KDM4B: variants seen among roughly 807,000 people sequenced by gnomAD.
The protein encoded by KDM4B is lysine-specific demethylase 4B.
In KDM4B, 32 loss-of-function variants were observed where a neutral mutation model predicts 125.2. The ratio of observed to expected loss-of-function variants is 0.26; its 90% CI spans 0.19 to 0.34. KDM4B has a LOEUF of 0.34. Among genes scored for constraint, KDM4B ranks in the 10% least tolerant of loss-of-function variants. The pLI is 1.00. For synonymous variants in KDM4B, 721 were observed against 677.9 expected (o/e 1.06, Z -0.99); for missense variants, 1,190 against 1,577.7 (o/e 0.75, Z 4.16).
intron 11 of KDM4B, among the ~76,000 whole-genome samples, chr19:5,125,269 G>C (rs1264122113): frequency 6.6e-6 from 1 of 152,054 alleles, no homozygotes; most frequent in Non-Finnish European, 1.5e-5. Context: ...CCCCAGCCCC[G>C]GCGTTACCTG....
intron 9 of KDM4B, among the ~76,000 whole-genome samples, chr19:5,102,269 A>G (rs2038952030): frequency 6.6e-6 from 1 of 152,174 alleles, no homozygotes. Context: ...TCGTGGCTTC[A>G]GGAGAGAGAT....
intron 9 of KDM4B, among the ~76,000 whole-genome samples, chr19:5,094,202 C>T (rs2038771661): frequency 6.6e-6 from 1 of 152,246 alleles, no homozygotes; most frequent in Admixed American, 6.5e-5. Context: ...CCCCGGCAGG[C>T]CCTGATCCCA....
At chr19:5,101,444 G>A (rs2038931589) in intron 9 of KDM4B, among the ~76,000 whole-genome samples, 1 of 151,664 alleles carries the variant, frequency 6.6e-6, no homozygotes, top group Non-Finnish European at 1.5e-5. Flanking sequence ...GATTGCTTGA[G>A]CCCAGGACTT....
chr19:5,012,821 C>T (rs2035771698), intron 1 of KDM4B, among the ~76,000 whole-genome samples: 1 of 152,222 alleles, frequency 6.6e-6, no homozygotes, highest in Non-Finnish European at 1.5e-5. Context: ...AGGGGTTCAT[C>T]ATCCTCTCCC....
Position 5,035,467 on chromosome 19 carries a change from G to A in KDM4B, c.141+2436G>A, listed in dbSNP as rs141587293. On this transcript the variant is annotated intron_variant, in intron 3 of 22. Transcript: ENST00000159111. The surrounding 1 kb of genome is among the most constrained non-coding windows in gnomAD (Gnocchi z 5.3). Reference sequence around the variant, plus strand: ...CCGGGCTCCATGCCCCGGTGTTTCCGGCTCTCTCTGCCCTCCACGTGGCGG... The same window carrying A: ...CCGGGCTCCATGCCCCGGTGTTTCCAGCTCTCTCTGCCCTCCACGTGGCGG... Among the ~76,000 whole-genome samples the A allele has an allele frequency of 1.3e-5, 2 of 151,994 alleles. No individual in the cohort carries two copies. Among genetic ancestry groups the A allele is most frequent in the African/African-American group, 2.4e-5 (1 of 41,384 alleles).
In KDM4B at chr19:5,082,527, C is replaced by A. The variant is rs763986280; in HGVS notation, c.918+23C>A. The A allele has an allele frequency of 6.4e-7, 1 of 1,564,028 alleles. No individual in the cohort carries two copies. Among genetic ancestry groups the A allele is most frequent in the Non-Finnish European group, 8.6e-7 (1 of 1,157,048 alleles). ...CAGGTAAAAGCTTGCCTGCTGGGAA[C>A]GGGTCCCAGCAGGGCGGGAGGAGGC... On this transcript the variant is annotated intron_variant, in intron 9 of 22. Transcript: ENST00000159111. This position sits in a 1 kb window ranked among gnomAD's most constrained non-coding sequence, Gnocchi z 5.4.
chr19:5,125,462 AG>A (rs2039432785), intron 11 of KDM4B, among the ~76,000 whole-genome samples: 1 of 152,108 alleles, frequency 6.6e-6, no homozygotes. Flanking sequence ...ACCGCGTGGG[AG>A]GGAGGGGAAA....
At chr19:5,018,018 C>T (rs1030945295) in intron 2 of KDM4B, among the ~76,000 whole-genome samples, 2 of 150,800 alleles carry the variant, frequency 1.3e-5, no homozygotes, top group Non-Finnish European at 2.9e-5. Context: ...GGATTACAGG[C>T]GTGAGCCACT....
chr19:5,052,930 G>A (rs975779540), intron 6 of KDM4B, among the ~76,000 whole-genome samples: 29 of 151,486 alleles, frequency 1.9e-4, no homozygotes, highest in African/African-American at 5.3e-4. Context: ...TCTACTGACC[G>A]TAAGGCATGG....
rs891737495 is a variant in KDM4B at position 5,070,855 on chromosome 19, C to A, written c.627-155C>A. The stretch of plus-strand genomic sequence containing the variant: ...ACGGATTCCGTCCTGAAAGCCCCCA[C>A]CCCCGGCCATCCCCTCCACACAGTC... On this transcript the variant is annotated intron_variant, in intron 6 of 22. Transcript: ENST00000159111. 14 of 648,008 alleles carry A rather than the reference C, an allele frequency of 2.2e-5. 1 individual carries two copies. The highest frequency in any genetic ancestry group is 1.8e-4 in the African/African-American group (10 of 54,076). 40.1% of individuals were successfully genotyped at this position (648,008 alleles called of 1,614,324 possible). A position where few individuals can be genotyped will look rare whatever the true frequency, so the allele number is the denominator to read the frequency against.
At chr19:5,046,319 G>A (rs749859048) in intron 5 of KDM4B, among the ~76,000 whole-genome samples, 18 of 152,256 alleles carry the variant, frequency 1.2e-4, no homozygotes, top group Non-Finnish European at 2.5e-4. Context: ...ACTTGCTGTG[G>A]TCCCAGGATG....
intron 18 of KDM4B, among the ~76,000 whole-genome samples, chr19:5,143,312 C>T (rs1449635755): frequency 8.4e-6 from 1 of 119,024 alleles, no homozygotes; most frequent in African/African-American, 3.4e-5. Flanking sequence ...ACAGAGCACC[C>T]AGGCTCAAAA....
chr19:5,118,806 C>T (rs1338207951), intron 10 of KDM4B, among the ~76,000 whole-genome samples: 1 of 152,222 alleles, frequency 6.6e-6, no homozygotes, highest in Admixed American at 6.5e-5. Flanking sequence ...GGCTGGTGTG[C>T]AGGGACCGGG....
chr19:5,129,203 G>A (rs2039501890), intron 11 of KDM4B, among the ~76,000 whole-genome samples: 1 of 152,160 alleles, frequency 6.6e-6, no homozygotes, highest in Non-Finnish European at 1.5e-5. Flanking sequence ...GGGAGGGCAG[G>A]GCCGCCTCCA....
intron 9 of KDM4B, among the ~76,000 whole-genome samples, chr19:5,103,840 A>G (rs915497973): frequency 2.0e-5 from 3 of 152,096 alleles, no homozygotes; most frequent in African/African-American, 7.2e-5. Flanking sequence ...CACCCTGTTC[A>G]CTTCCTGATC....
chr19:5,019,490 GTGTTGGTGTGGA>G (rs2036012925), intron 2 of KDM4B, among the ~76,000 whole-genome samples: 3 of 148,432 alleles, frequency 2.0e-5, no homozygotes, highest in South Asian at 2.2e-4. Flanking sequence ...TGGTGTGCAG[GTGTTGGTGTGGA>G]TGTTGGTGTG....
intron 1 of KDM4B, among the ~76,000 whole-genome samples, chr19:4,999,738 TGTCCATCTATCCATCTATCC>T (rs2035310161): frequency 2.5e-5 from 1 of 40,598 alleles, no homozygotes; most frequent in Non-Finnish European, 4.8e-5. Context: ...CCCACCCACC[TGTCCATCTATCCATCTATCC>T]ATCCATCCAT....
chr19:5,092,015 G>C (rs1463454822), intron 9 of KDM4B, among the ~76,000 whole-genome samples: 1 of 152,222 alleles, frequency 6.6e-6, no homozygotes, highest in Non-Finnish European at 1.5e-5. Context: ...TGTGGGCTTA[G>C]GGGGTGTCAC....
chr19:5,040,238 C>T (rs2036764000), intron 4 of KDM4B, among the ~76,000 whole-genome samples: 1 of 152,140 alleles, frequency 6.6e-6, no homozygotes, highest in Admixed American at 6.5e-5. Context: ...CCAGGGCTTC[C>T]CAGTGCATGT....
Sources: gnomAD v4.1 joint callset for allele counts (sites outside exome capture counted in the v4.1 genomes callset) on GRCh38, gnomAD v4.1.1 for gene constraint, Gnocchi (gnomAD v3.1) non-coding constraint, MANE v1.5 for transcripts, NCBI Gene and HGNC (gene_info 2026-07-23, HGNC 2026-07-21) for gene names.